Variants in USP8 observed in about 807,000 individuals in gnomAD.
USP8 encodes ubiquitin specific peptidase 8, also known as ubiquitin carboxyl-terminal hydrolase 8.
Under a neutral mutation model 130.0 loss-of-function variants are expected in USP8, and 27 were observed. The observed-to-expected ratio is 0.21, with a 90% CI of 0.15 to 0.29. USP8 has a LOEUF of 0.29. Ranked by LOEUF, USP8 falls within the 10% of genes least tolerant of loss-of-function variation. The pLI, the probability that USP8 is intolerant of heterozygous loss-of-function variation, is 1.00. For synonymous variants in USP8, 392 were observed against 444.1 expected, an observed-to-expected ratio of 0.88 and a Z score of 1.48; for missense variants, 1,029 against 1,312.2, an observed-to-expected ratio of 0.78 and a Z score of 3.33.
At chr15:50,442,810 C>G (rs2050304436) in intron 3 of USP8, among the ~76,000 whole-genome samples, 1 of 152,210 alleles carries the variant, frequency 6.6e-6, no homozygotes, top group South Asian at 2.1e-4. Context: ...GTTCATTAAA[C>G]AAAAGTGAAG....
chr15:50,455,498 A>G (rs1230943401), intron 4 of USP8, among the ~76,000 whole-genome samples: 1 of 152,242 alleles, frequency 6.6e-6, no homozygotes, highest in Non-Finnish European at 1.5e-5. Context: ...TAGTTATAAC[A>G]GCTGCTCTAA....
chr15:50,457,824 G>A (rs1272156425), intron 4 of USP8, among the ~76,000 whole-genome samples: 3 of 143,470 alleles, frequency 2.1e-5, no homozygotes, highest in Non-Finnish European at 4.5e-5. Context: ...TCATGCCAGT[G>A]CACTCCAGCC....
intron 1 of USP8, among the ~76,000 whole-genome samples, chr15:50,428,313 CA>C (rs1567591598): frequency 6.6e-6 from 1 of 151,984 alleles, no homozygotes; most frequent in Non-Finnish European, 1.5e-5. Flanking sequence ...GATGGGGTTT[CA>C]CTGTGTTGCC....
Position 50,492,927 on chromosome 15 carries a change from A to G in USP8, c.2447+14A>G, listed in dbSNP as rs754539371. On this transcript the variant is annotated intron_variant, in intron 15 of 19. Transcript: ENST00000307179. ...TGATATTAACAGGTAAATACATGTC[A>G]TACTTTTTGCATTATAATGCTAAAA... The G allele has an allele frequency of 1.9e-6, 3 of 1,607,294 alleles. No individual in the cohort carries two copies. Among genetic ancestry groups the G allele is most frequent in the African/African-American group, 2.7e-5 (2 of 74,950 alleles).
At chr15:50,455,578 A>G (rs904097159) in intron 4 of USP8, among the ~76,000 whole-genome samples, 6 of 151,896 alleles carry the variant, frequency 4.0e-5, no homozygotes, top group East Asian at 1.9e-4. Context: ...TTGTTGTCCT[A>G]TTTTTCTTTT....
intron 1 of USP8, among the ~76,000 whole-genome samples, chr15:50,438,116 A>G (rs2050143077): frequency 6.6e-6 from 1 of 152,230 alleles, no homozygotes; most frequent in Admixed American, 6.5e-5. Flanking sequence ...ATTTAATATA[A>G]AATGTTACTA....
In USP8 at chr15:50,497,351, T is replaced by C. The variant is rs1453227502; in HGVS notation, c.3038+120T>C. The C allele has an allele frequency of 1.1e-5, 14 of 1,261,946 alleles. No homozygotes were observed. In the East Asian group the frequency reaches 3.7e-4, roughly 34 times the overall value. The allele number at this position is 1,261,946 out of a possible 1,614,324, so 78.2% of individuals were successfully genotyped here. A position where few individuals can be genotyped will look rare whatever the true frequency, so the allele number is the denominator to read the frequency against. On this transcript the variant is annotated intron_variant, in intron 18 of 19. Transcript: ENST00000307179. ...CACATAACAAAGGGCGATTATCTGG[T>C]TACAGTAGATCTAGGGAAATAAAGC...
Position 50,494,005 on chromosome 15 carries a change from T to C in USP8, c.2448-65T>C. 7 of 1,547,710 alleles carry C rather than the reference T, an allele frequency of 4.5e-6. No individual in the cohort carries two copies. The South Asian group carries it at 7.9e-5, about 17-fold the overall frequency. ...TAATTTCATGTTGACATCAAGAATC[T>C]ACTGTACCTTGCTTAACTTTTAAAT... On this transcript the variant is annotated intron_variant, in intron 15 of 19. Coordinates refer to ENST00000307179, the MANE Select transcript of USP8 (RefSeq NM_005154.5).
At chr15:50,456,897 G>GA (rs1331495088) in intron 4 of USP8, among the ~76,000 whole-genome samples, 1 of 151,658 alleles carries the variant, frequency 6.6e-6, no homozygotes, top group Non-Finnish European at 1.5e-5. Flanking sequence ...AAAAGAAAAA[G>GA]AAAAAAAAGA....
intron 12 of USP8, among the ~76,000 whole-genome samples, chr15:50,486,481 C>T (rs143523514): frequency 6.6e-6 from 1 of 151,856 alleles, no homozygotes; most frequent in Admixed American, 6.6e-5. Context: ...AGGGTGAGAC[C>T]CTGTCTCAAA....
intron 4 of USP8, among the ~76,000 whole-genome samples, chr15:50,455,852 C>T (rs2050773422): frequency 6.6e-6 from 1 of 152,138 alleles, no homozygotes; most frequent in Admixed American, 6.6e-5. Context: ...GCAATTTGGG[C>T]AAGTCTATAC....
rs1466005270 is a variant in USP8 at position 50,466,756 on chromosome 15, T to C, written c.686+1565T>C. On this transcript the variant is annotated intron_variant, in intron 7 of 19. Coordinates refer to ENST00000307179, the MANE Select transcript of USP8 (RefSeq NM_005154.5). ...CAGCAGCCGTGGCTTTTAAAGATGC[T>C]GGAAAAACACCCATGGAGCCGGAGA... 1.3e-5 allele frequency: 3 copies of C among 232,506 alleles called. 1 individual carries two copies. The highest frequency in any genetic ancestry group is 2.6e-5 in the Non-Finnish European group (3 of 114,904). 14.4% of individuals were successfully genotyped at this position (232,506 alleles called of 1,614,324 possible). A position where few individuals can be genotyped will look rare whatever the true frequency, so the allele number is the denominator to read the frequency against.
intron 19 of USP8, 25 bp downstream of exon 19, chr15:50,498,753 C>G: frequency 6.4e-7 from 1 of 1,574,524 alleles, no homozygotes; most frequent in South Asian, 1.2e-5. Flanking sequence ...GAACTGAAGA[C>G]TTTTTGTTTC....
At chr15:50,437,962 G>T (rs1459709779) in intron 1 of USP8, among the ~76,000 whole-genome samples, 1 of 152,182 alleles carries the variant, frequency 6.6e-6, no homozygotes, top group Non-Finnish European at 1.5e-5. Flanking sequence ...TGTGTTTATA[G>T]ATACCTGGAG....
At chr15:50,440,827 A>G (rs1010326901) in intron 2 of USP8, among the ~76,000 whole-genome samples, 10 of 150,650 alleles carry the variant, frequency 6.6e-5, no homozygotes, top group Admixed American at 5.4e-4. Flanking sequence ...ACATGGTGAA[A>G]CCTCGTCTCT....
In USP8 at chr15:50,512,309, C is replaced by T. The variant is rs1418303613; in HGVS notation, c.*13221C>T. The stretch of plus-strand genomic sequence containing the variant: ...TGCCACTGCACTCCAGCCTGGGCAA[C>T]AGAGCAAGACTCTGTTAAAAAAAAA... On this transcript the variant is annotated 3_prime_UTR_variant, in exon 20 of 20. Coordinates refer to ENST00000307179, the MANE Select transcript of USP8 (RefSeq NM_005154.5). The T allele has an allele frequency of 6.7e-6, 1 of 149,474 alleles. No homozygotes were observed. Among genetic ancestry groups the T allele is most frequent in the East Asian group, 2.0e-4 (1 of 5,096 alleles). 9.3% of individuals were successfully genotyped at this position (149,474 alleles called of 1,614,324 possible). A position where few individuals can be genotyped will look rare whatever the true frequency, so the allele number is the denominator to read the frequency against.
intron 5 of USP8, 77 bp downstream of exon 5, chr15:50,459,239 C>T (rs2050898378): frequency 6.7e-7 from 1 of 1,503,456 alleles, no homozygotes; most frequent in Admixed American, 2.3e-5. Flanking sequence ...GTTGAGATAC[C>T]ACTATAAAGT....
In USP8 at chr15:50,498,718, T is replaced by C; in HGVS notation, c.3161T>C (p.Phe1054Ser). 1 of 1,607,404 alleles carries C rather than the reference T, an allele frequency of 6.2e-7. No homozygotes were observed. The highest frequency in any genetic ancestry group is 8.5e-7 in the Non-Finnish European group (1 of 1,177,080). Residue 1054 changes from phenylalanine to serine, a missense_variant, in exon 19 of 20, where the codon TTT becomes TCT. Physicochemically the swap from Phe to Ser is radical, Grantham distance 155. Coordinates refer to ENST00000307179, the MANE Select transcript of USP8 (RefSeq NM_005154.5). Reference sequence around the variant, plus strand: ...AACAATTTGAAGAAATATAATTTGTTTTCTGTTTCAGTAAGTATCTCTTTG... The same window carrying C: ...AACAATTTGAAGAAATATAATTTGTCTTCTGTTTCAGTAAGTATCTCTTTG... ...PKNNLKKYNLFSVSNHYGGLD... is the reference protein window; with the variant it reads ...PKNNLKKYNLSSVSNHYGGLD...
At chr15:50,458,688 A>G (rs2050875523) in intron 4 of USP8, 1 of 217,424 alleles carries the variant, frequency 4.6e-6, no homozygotes, top group South Asian at 8.4e-5. Context: ...AAAAATTAGG[A>G]TTTTTCCTTT....
Sources: gnomAD v4.1 joint callset for allele counts (sites outside exome capture counted in the v4.1 genomes callset) on GRCh38, gnomAD v4.1.1 for gene constraint, MANE v1.5 for transcripts, NCBI Gene and HGNC (gene_info 2026-07-23, HGNC 2026-07-21) for gene names.